The following VDR variants were observed in gnomAD, a reference collection of about 807,000 sequenced individuals.
The protein encoded by VDR is vitamin D receptor, also known as vitamin D3 receptor.
In VDR, 19 loss-of-function variants were observed where a neutral mutation model predicts 39.7. That is an observed-to-expected ratio of 0.48 (90% CI 0.33 to 0.70). The LOEUF (loss-of-function observed/expected upper bound fraction) is 0.70, where lower values mean the gene tolerates loss of function less well. Ranked by LOEUF, VDR falls within the 30% of genes least tolerant of loss-of-function variation. The pLI is 0.02. For missense variants in VDR, 442 were observed against 570.5 expected (o/e 0.77, Z 2.29); for synonymous variants, 242 against 215.8 (o/e 1.12, Z -1.07).
intron 7 of VDR, among the ~76,000 whole-genome samples, chr12:47,847,946 C>T (rs538351968): frequency 6.6e-6 from 1 of 152,270 alleles, no homozygotes; most frequent in African/African-American, 2.4e-5. Context: ...GTCGCCCAGG[C>T]TGGAGTGCAG....
In VDR at chr12:47,866,520, G is replaced by A. The variant is rs111664185; in HGVS notation, c.147-1343C>T. On this transcript the variant is annotated intron_variant, in intron 3 of 9. Coordinates refer to ENST00000549336, the MANE Select transcript of VDR (RefSeq NM_000376.3). ...TTCTAGATTCTAGAGACCTGTGACT[G>A]GAATAGCTCCTGTTCCAGGGATAGA... Among the ~76,000 whole-genome samples the A allele has an allele frequency of 2.1e-3, 327 of 152,320 alleles. 4 individuals are homozygous for A. The highest frequency in any genetic ancestry group is 7.2e-3 in the African/African-American group (298 of 41,556).
rs559691251 is a variant in VDR, at chr12:47,881,607, ATCT to A, written c.-3+1084_-3+1086del. ...ATTTTTTGAGTAGTGAGCATATGGT[ATCT>A]TCTTCTTATTATTATTAGCAAAACA... On this transcript the variant is annotated intron_variant, in intron 2 of 9. Transcript: ENST00000549336. Among the ~76,000 whole-genome samples, 437 of 152,300 alleles carry A rather than the reference ATCT, an allele frequency of 2.9e-3. 2 individuals carry two copies. Among genetic ancestry groups the A allele is most frequent in the African/African-American group, 9.7e-3 (401 of 41,550 alleles).
chr12:47,851,253 T>C (rs1945382359), intron 7 of VDR, among the ~76,000 whole-genome samples: 1 of 152,170 alleles, frequency 6.6e-6, no homozygotes. Context: ...AGGCTGCTCT[T>C]GGCCATTTAG....
chr12:47,872,621 C>T (rs1565623711), intron 3 of VDR, among the ~76,000 whole-genome samples: 1 of 152,342 alleles, frequency 6.6e-6, no homozygotes, highest in Middle Eastern at 3.4e-3. Context: ...CCAGCCAGTT[C>T]TACCCAGCCT....
intron 4 of VDR, among the ~76,000 whole-genome samples, chr12:47,861,228 G>A (rs1945619790): frequency 1.3e-5 from 2 of 152,392 alleles, no homozygotes; most frequent in Middle Eastern, 3.4e-3. Context: ...TCCATCTGAA[G>A]AGTGTGAAAA....
In VDR at chr12:47,843,857, T is replaced by G. The variant is rs950019927; in HGVS notation, c.*889A>C. ...CACTGCTTCTCCAGACCCTCTCCCC[T>G]GGGGAGGGGGTGGGGGAGCAGGCTC... is the stretch of plus-strand genomic sequence containing the variant. On this transcript the variant is annotated 3_prime_UTR_variant, in exon 10 of 10. Transcript: ENST00000549336. 1.3e-5 allele frequency: 2 copies of G among 151,002 alleles called. No individual in the cohort carries two copies. Among genetic ancestry groups the G allele is most frequent in the Admixed American group, 1.3e-4 (2 of 15,174 alleles). 9.4% of individuals were successfully genotyped at this position (151,002 alleles called of 1,614,324 possible). A position where few individuals can be genotyped will look rare whatever the true frequency, so the allele number is the denominator to read the frequency against.
At chr12:47,899,947 G>A (rs1224698175) in intron 1 of VDR, 2 of 985,492 alleles carry the variant, frequency 2.0e-6, no homozygotes, top group Admixed American at 6.1e-5. Context: ...AGCTGGGCTA[G>A]GTTCAGGAGC....
intron 3 of VDR, among the ~76,000 whole-genome samples, chr12:47,872,245 C>T (rs1945898727): frequency 6.6e-6 from 1 of 152,122 alleles, no homozygotes; most frequent in African/African-American, 2.4e-5. Context: ...GTTTCCACAT[C>T]TGTAAAATGG....
At chr12:47,902,732 T>A (rs916718264) in intron 1 of VDR, among the ~76,000 whole-genome samples, 12 of 152,188 alleles carry the variant, frequency 7.9e-5, no homozygotes, top group African/African-American at 2.9e-4. Context: ...AGGTTCCAGA[T>A]GCCTATTCCA....
intron 7 of VDR, among the ~76,000 whole-genome samples, chr12:47,855,029 C>A (rs1945453840): frequency 6.6e-6 from 1 of 151,788 alleles, no homozygotes; most frequent in Non-Finnish European, 1.5e-5. Context: ...TCCGTCTCTA[C>A]TAAAAATAAA....
chr12:47,898,508 T>C (rs1156290798), intron 1 of VDR: 1 of 152,966 alleles, frequency 6.5e-6, no homozygotes, highest in East Asian at 1.9e-4. Context: ...ACCCTAGGTA[T>C]GTGCCCTACA....
At chr12:47,880,329 T>C (rs1946120751) in intron 2 of VDR, among the ~76,000 whole-genome samples, 1 of 152,138 alleles carries the variant, frequency 6.6e-6, no homozygotes, top group Non-Finnish European at 1.5e-5. Flanking sequence ...TACTTTTCAA[T>C]GACTAGGCCC....
rs71077177 is a variant in VDR, at chr12:47,873,351, C to CTTTTTTTTTTTTTTTTTT, written c.146+5599_146+5616dup. On this transcript the variant is annotated intron_variant, in intron 3 of 9. Coordinates refer to ENST00000549336, the MANE Select transcript of VDR (RefSeq NM_000376.3). ...ACCATGAGTCAATTAAACCTGTTTT[C>CTTTTTTTTTTTTTTTTTT]TTTTTTTTTTTTTTTTTTTTTTTTT... 4.4e-4 allele frequency among the ~76,000 whole-genome samples: 43 copies of CTTTTTTTTTTTTTTTTTT among 98,446 alleles called. 4 individuals are homozygous for CTTTTTTTTTTTTTTTTTT. Among genetic ancestry groups the CTTTTTTTTTTTTTTTTTT allele is most frequent in the Non-Finnish European group, 7.6e-4 (38 of 50,270 alleles). 64.6% of individuals were successfully genotyped at this position (98,446 alleles called of 152,430 possible). A position where few individuals can be genotyped will look rare whatever the true frequency, so the allele number is the denominator to read the frequency against.
At chr12:47,853,712 G>A (rs755707975) in intron 7 of VDR, among the ~76,000 whole-genome samples, 3 of 152,094 alleles carry the variant, frequency 2.0e-5, no homozygotes, top group African/African-American at 7.2e-5. Context: ...TTGAGATCGC[G>A]TCATTGTACT....
chr12:47,877,288 G>A (rs1946028036), intron 3 of VDR, among the ~76,000 whole-genome samples: 1 of 152,080 alleles, frequency 6.6e-6, no homozygotes, highest in Non-Finnish European at 1.5e-5. Flanking sequence ...CGAGGCTTTT[G>A]TTTATTTTAT....
chr12:47,859,085 G>A lies in VDR; in HGVS notation c.278-1397C>T, dbSNP rs138232889. Among the ~76,000 whole-genome samples the A allele has an allele frequency of 7.4e-4, 112 of 152,364 alleles. 2 individuals are homozygous for A. The highest frequency in any genetic ancestry group is 2.7e-3 in the African/African-American group (112 of 41,584). On this transcript the variant is annotated intron_variant, in intron 4 of 9. Transcript: ENST00000549336. ...TGCACAGACCCTACCAGGTCAGGCAGGGTGGGAGAGGAAGGGGCAGGGAGC... is the reference window on the plus strand; with the variant it reads ...TGCACAGACCCTACCAGGTCAGGCAAGGTGGGAGAGGAAGGGGCAGGGAGC...
chr12:47,854,380 GTC>G (rs1215107118), intron 7 of VDR, among the ~76,000 whole-genome samples: 1 of 151,996 alleles, frequency 6.6e-6, no homozygotes, highest in Non-Finnish European at 1.5e-5. Context: ...TCCTACCTCA[GTC>G]TCTCAAAGTG....
At chr12:47,848,201 A>T (rs1945316422) in intron 7 of VDR, among the ~76,000 whole-genome samples, 1 of 151,912 alleles carries the variant, frequency 6.6e-6, no homozygotes, top group South Asian at 2.1e-4. Context: ...GCTAATTTTT[A>T]AATTTTTTTT....
At chr12:47,887,016 GA>G (rs36036192) in intron 1 of VDR, among the ~76,000 whole-genome samples, 257 of 152,158 alleles carry the variant, frequency 1.7e-3, no homozygotes, top group African/African-American at 6.0e-3. Context: ...ATGCACATTA[GA>G]AAAAGGAGCC....
Sources: allele counts gnomAD v4.1 joint callset (sites outside exome capture counted in the v4.1 genomes callset), GRCh38; gene constraint gnomAD v4.1.1; transcripts MANE v1.5; gene names NCBI Gene and HGNC (gene_info 2026-07-23, HGNC 2026-07-21).